CEP295: variants seen among roughly 807,000 people sequenced by gnomAD.
The protein encoded by CEP295 is centrosomal protein 295, also known as centrosomal protein of 295 kDa.
A neutral mutation model predicts 291.6 loss-of-function variants in CEP295; 190 were observed. That is an observed-to-expected ratio of 0.65 (90% CI 0.58 to 0.73). The LOEUF (loss-of-function observed/expected upper bound fraction) is 0.73, where lower values mean the gene tolerates loss of function less well. CEP295 is among the 30% of genes least tolerant of loss of function. The pLI is 0.00. For missense variants in CEP295, 2,863 were observed against 2,949.4 expected, an observed-to-expected ratio of 0.97 and a Z score of 0.68; for synonymous variants, 993 against 1,038.8, an observed-to-expected ratio of 0.96 and a Z score of 0.85.
Position 93,697,223 on chromosome 11 carries a change from G to T in CEP295, c.2311G>T (p.Glu771Ter). ...QSLESQQLFS[E>*]NSENISYHLT... ...TTTAGAATCCCAACAATTGTTCTCA[G>T]AGAATAGTGAAAATATATCTTACCA... is the stretch of plus-strand genomic sequence containing the variant. The change falls in exon 15 of 30, where the codon GAG becomes TAG. Residue 771 changes from glutamate to a stop codon, truncating the protein, a stop_gained. Transcript: ENST00000325212. LOFTEE classifies it high-confidence loss of function. 1 of 1,551,694 alleles carries T rather than the reference G, an allele frequency of 6.4e-7. No individual in the cohort carries two copies.
chr11:93,720,069 A>AAG (rs1307141154), intron 18 of CEP295, among the ~76,000 whole-genome samples: 2 of 151,784 alleles, frequency 1.3e-5, no homozygotes, highest in East Asian at 3.9e-4. Context: ...CTGTAAAAAA[A>AAG]AAAAAAAGCT....
rs981810703 is a variant in CEP295, at chr11:93,725,733, G to A, written c.6401G>A (p.Ser2134Asn). 1.9e-6 allele frequency: 3 copies of A among 1,551,758 alleles called. No individual in the cohort carries two copies. The Admixed American group carries it at 5.9e-5, about 30-fold the overall frequency. ...TATTTCACAGCACTGAGGAGGACCA[G>A]CATGCATTCTTCTCTTAACACAAGT... ...TVYFTALRRT[S>N]MHSSLNTSPN... The change falls in exon 23 of 30, where the codon AGC becomes AAC. Residue 2134 changes from serine to asparagine, a missense_variant. Around this residue, in one of 3 missense-constraint regions of CEP295, gnomAD observed 2,295 missense variants for 2,335.7 expected, o/e 0.98. Coordinates refer to ENST00000325212, the MANE Select transcript of CEP295 (RefSeq NM_033395.2).
Position 93,697,725 on chromosome 11 carries a change from G to A in CEP295, c.2813G>A (p.Ser938Asn), listed in dbSNP as rs1182536755. ...VISQLQDKRL[S>N]LSQPILSQQN... is the part of the protein sequence containing the mutation. ...TCACAACTTCAGGATAAGCGTTTGA[G>A]TCTTTCACAGCCTATCCTATCACAG... Residue 938 changes from serine (S) to asparagine (N), a missense_variant, in exon 15 of 30, where the codon AGT becomes AAT. By Grantham distance (46) the Ser-to-Asn change is conservative. Around this residue, in one of 3 missense-constraint regions of CEP295, gnomAD observed 2,295 missense variants for 2,335.7 expected, o/e 0.98. Transcript: ENST00000325212. The A allele has an allele frequency of 1.1e-5, 17 of 1,551,634 alleles. No individual in the cohort carries two copies. The highest frequency in any genetic ancestry group is 1.3e-5 in the Non-Finnish European group (15 of 1,146,964).
chr11:93,721,806 T>C (rs1953750448), intron 19 of CEP295, 148 bp from the exon 20 acceptor site: 1 of 724,326 alleles, frequency 1.4e-6, no homozygotes, highest in Non-Finnish European at 2.5e-6. Flanking sequence ...TGGGCAATGA[T>C]GAAAAGGTTT....
rs558701114 is a variant in CEP295, at chr11:93,698,073, A to T, written c.3161A>T (p.His1054Leu). 1.2e-5 allele frequency: 19 copies of T among 1,551,974 alleles called. No individual in the cohort carries two copies. In the East Asian group the frequency reaches 4.6e-4, roughly 38 times the overall value. Reference sequence around the variant, plus strand: ...TTCCTACAGCAGTTCCTACCTCTACATGATAGTTTGAAGTTGCTCCAAGAA... The same window carrying T: ...TTCCTACAGCAGTTCCTACCTCTACTTGATAGTTTGAAGTTGCTCCAAGAA... ...LSFLQQFLPL[H>L]DSLKLLQEQL... Residue 1054 changes from histidine to leucine, a missense_variant, in exon 15 of 30, where the codon CAT (histidine) becomes CTT (leucine). By Grantham distance (99) the His-to-Leu change is moderately conservative (BLOSUM62 -3). Around this residue, in one of 3 missense-constraint regions of CEP295, gnomAD observed 2,295 missense variants for 2,335.7 expected, o/e 0.98. Transcript: ENST00000325212.
At chr11:93,708,610 A>G (rs2135206218) in intron 18 of CEP295, among the ~76,000 whole-genome samples, 1 of 152,272 alleles carries the variant, frequency 6.6e-6, no homozygotes, top group East Asian at 1.9e-4. Flanking sequence ...GCTGCAGTCA[A>G]CATGGGAGTG....
At chr11:93,680,450 C>T (rs1394863123) in intron 7 of CEP295, among the ~76,000 whole-genome samples, 2 of 151,880 alleles carry the variant, frequency 1.3e-5, no homozygotes, top group Non-Finnish European at 2.9e-5. Flanking sequence ...ACCAAAATTC[C>T]AAAAATTAGC....
At chr11:93,718,010 C>T (rs549815737) in intron 18 of CEP295, among the ~76,000 whole-genome samples, 193 of 152,294 alleles carry the variant, frequency 1.3e-3, no homozygotes, top group Non-Finnish European at 1.8e-3. Flanking sequence ...CTCCTAGGCT[C>T]AATTGATCCT....
intron 18 of CEP295, among the ~76,000 whole-genome samples, chr11:93,715,252 C>T (rs1196632979): frequency 6.6e-6 from 1 of 152,146 alleles, no homozygotes; most frequent in East Asian, 1.9e-4. Flanking sequence ...GACTCTCTCC[C>T]CTTGTCCACC....
rs1952055643 is a variant in CEP295, at chr11:93,700,030, T to C, written c.5118T>C (p.Asp1706=). ...CACAGTCTGTCTTAACTCAGCAAGA[T>C]AACTTGGGACTTCAGAAACAGTTGG... ...SFSQSVLTQQ[D]NLGLQKQLDL... is the part of the protein sequence containing the mutation. The change falls in exon 15 of 30, where the codon GAT becomes GAC. Residue 1706 remains aspartate, a synonymous_variant. Transcript: ENST00000325212. The C allele has an allele frequency of 6.4e-7, 1 of 1,551,710 alleles. No individual in the cohort carries two copies. Among genetic ancestry groups the C allele is most frequent in the Non-Finnish European group, 8.7e-7 (1 of 1,147,026 alleles).
rs1268450491 is a variant in CEP295 at position 93,683,706 on chromosome 11, G to A, written c.913G>A (p.Glu305Lys). 1.9e-6 allele frequency: 3 copies of A among 1,546,266 alleles called. No homozygotes were observed. Among genetic ancestry groups the A allele is most frequent in the Non-Finnish European group, 2.6e-6 (3 of 1,145,802 alleles). Residue 305 changes from glutamate to lysine, a missense_variant, in exon 8 of 30, where the codon GAA becomes AAA. Physicochemically the swap from Glu to Lys is moderately conservative, Grantham distance 56. Coordinates refer to ENST00000325212, the MANE Select transcript of CEP295 (RefSeq NM_033395.2). Reference sequence around the variant, plus strand: ...GAAAGAAGACTGGCAGAGAGAATTGGAATTTGCCTTTGAAGATATGTACAA... The same window carrying A: ...GAAAGAAGACTGGCAGAGAGAATTGAAATTTGCCTTTGAAGATATGTACAA... ...EMKEDWQRELEFAFEDMYNAD... is the reference protein window; with the variant it reads ...EMKEDWQRELKFAFEDMYNAD...
intron 6 of CEP295, among the ~76,000 whole-genome samples, chr11:93,676,029 T>A (rs959408498): frequency 2.0e-5 from 3 of 152,060 alleles, no homozygotes; most frequent in Admixed American, 6.5e-5. Context: ...TTTAATAAAT[T>A]CATTATAACC....
At chr11:93,680,291 T>C (rs144217907) in intron 7 of CEP295, among the ~76,000 whole-genome samples, 33 of 151,828 alleles carry the variant, frequency 2.2e-4, no homozygotes, top group Non-Finnish European at 3.8e-4. Flanking sequence ...CAAAAAAAAT[T>C]AAATAAAAAG....
intron 18 of CEP295, among the ~76,000 whole-genome samples, chr11:93,713,692 A>G (rs1352382264): frequency 6.6e-6 from 1 of 152,062 alleles, no homozygotes; most frequent in African/African-American, 2.4e-5. Context: ...TTGTACTTGA[A>G]TATTGATATT....
At chr11:93,689,109 T>C (rs1308132516) in intron 10 of CEP295, among the ~76,000 whole-genome samples, 2 of 152,208 alleles carry the variant, frequency 1.3e-5, no homozygotes, top group South Asian at 2.1e-4. Flanking sequence ...TTAAGCCATG[T>C]TCATTTCCTA....
chr11:93,719,674 A>G (rs961542444), intron 18 of CEP295: 1 of 152,062 alleles, frequency 6.6e-6, no homozygotes, highest in Non-Finnish European at 1.5e-5. Flanking sequence ...TCTTTGTTCT[A>G]TTCTTTTCCC....
chr11:93,678,550 A>T (rs1410099146), intron 6 of CEP295, among the ~76,000 whole-genome samples: 3 of 152,226 alleles, frequency 2.0e-5, no homozygotes, highest in Non-Finnish European at 4.4e-5. Context: ...CAGAATTTCA[A>T]CATACAAAAG....
chr11:93,675,591 T>C lies in CEP295; in HGVS notation c.549T>C (p.Ile183=). The C allele has an allele frequency of 6.7e-7, 1 of 1,500,658 alleles. No individual in the cohort carries two copies. The highest frequency in any genetic ancestry group is 8.9e-7 in the Non-Finnish European group (1 of 1,126,862). 93.0% of individuals were successfully genotyped at this position (1,500,658 alleles called of 1,614,324 possible). The change falls in exon 6 of 30, where the codon ATT becomes ATC. Residue 183 remains isoleucine (I), a synonymous_variant. Transcript: ENST00000325212. ...TLFENIEVKR[I]SAVKTNSSTY... ...TCCAGAACATCGAAGTAAAAAGAAT[T>C]TCTGCAGTCAAAACCAATAGTTCTA...
At chr11:93,670,133 G>A (rs1950365002) in intron 5 of CEP295, among the ~76,000 whole-genome samples, 1 of 151,814 alleles carries the variant, frequency 6.6e-6, no homozygotes, top group Non-Finnish European at 1.5e-5. Flanking sequence ...TCTGCCTTTT[G>A]AAAAAATACC....
Sources: gnomAD v4.1 joint callset for allele counts (sites outside exome capture counted in the v4.1 genomes callset) on GRCh38, gnomAD v4.1.1 for gene constraint, gnomAD v4.1.1 regional missense constraint, MANE v1.5 for transcripts, NCBI Gene and HGNC (gene_info 2026-07-23, HGNC 2026-07-21) for gene names.